CCSER1: variants seen among roughly 807,000 people sequenced by gnomAD.
The protein encoded by CCSER1 is serine-rich coiled-coil domain-containing protein 1.
Under a neutral mutation model 82.0 loss-of-function variants are expected in CCSER1, and 41 were observed. The ratio of observed to expected loss-of-function variants is 0.50; its 90% CI spans 0.39 to 0.65. CCSER1 has a LOEUF of 0.65. Ranked by LOEUF, CCSER1 falls within the 30% of genes least tolerant of loss-of-function variation. The pLI is 0.00. For missense variants in CCSER1, 1,119 were observed against 1,064.2 expected, an observed-to-expected ratio of 1.05 and a Z score of -0.72; for synonymous variants, 414 against 383.9, an observed-to-expected ratio of 1.08 and a Z score of -0.92.
At chr4:90,657,088 T>G (rs1171255845) in intron 6 of CCSER1, among the ~76,000 whole-genome samples, 1 of 152,076 alleles carries the variant, frequency 6.6e-6, no homozygotes, top group Non-Finnish European at 1.5e-5. Context: ...TTGTCTTAAT[T>G]TCTGAAGAAC....
chr4:90,356,171 C>T (rs907394845), intron 3 of CCSER1, among the ~76,000 whole-genome samples: 45 of 151,778 alleles, frequency 3.0e-4, no homozygotes, highest in African/African-American at 1.1e-3. Flanking sequence ...ATATCAAACA[C>T]ACTATATATA....
chr4:90,325,691 A>G (rs946122696), intron 3 of CCSER1: 3 of 435,646 alleles, frequency 6.9e-6, no homozygotes, highest in East Asian at 7.0e-5. Flanking sequence ...CTGAGGTGAC[A>G]GTCACTGGAA....
At chr4:91,307,068 T>C (rs1013637350) in intron 10 of CCSER1, among the ~76,000 whole-genome samples, 6 of 151,992 alleles carry the variant, frequency 3.9e-5, no homozygotes. Context: ...ATATCAAAAT[T>C]TCATTCTTAA....
intron 4 of CCSER1, among the ~76,000 whole-genome samples, chr4:90,450,335 G>T (rs1461827355): frequency 1.3e-5 from 2 of 152,200 alleles, no homozygotes; most frequent in Non-Finnish European, 2.9e-5. Context: ...AAACAATGTT[G>T]TCACTAGAGT....
At position 91,462,393 on chromosome 4, in the gene CCSER1, C is replaced by T. The variant is rs895182218; in HGVS notation, c.2218-136179C>T. ...ATGGGAAGGGTGGTTCCAAGATGGC[C>T]GAATAGGAACAGCTCTAGTCTACAG... On this transcript the variant is annotated intron_variant, in intron 10 of 10. Transcript: ENST00000509176. 7.2e-5 allele frequency among the ~76,000 whole-genome samples: 11 copies of T among 152,032 alleles called. 1 individual carries two copies. In the East Asian group the frequency reaches 7.8e-4, roughly 11 times the overall value.
intron 10 of CCSER1, among the ~76,000 whole-genome samples, chr4:91,185,061 C>T (rs1406602181): frequency 1.3e-5 from 2 of 152,162 alleles, no homozygotes; most frequent in Non-Finnish European, 2.9e-5. Flanking sequence ...TGTGGACAGC[C>T]AGTGCTGTAG....
intron 10 of CCSER1, among the ~76,000 whole-genome samples, chr4:91,128,571 C>G (rs969197475): frequency 5.3e-5 from 8 of 151,924 alleles, no homozygotes; most frequent in African/African-American, 1.9e-4. Flanking sequence ...CAAAACAAAA[C>G]AAAATCAGGA....
intron 10 of CCSER1, among the ~76,000 whole-genome samples, chr4:91,095,274 T>A (rs1203828966): frequency 6.6e-6 from 1 of 152,200 alleles, no homozygotes. Flanking sequence ...CTCCTTTAGT[T>A]GGAGACACTT....
intron 10 of CCSER1, among the ~76,000 whole-genome samples, chr4:91,139,294 A>T (rs1350304060): frequency 1.3e-5 from 2 of 152,004 alleles, no homozygotes; most frequent in Admixed American, 1.3e-4. Flanking sequence ...CCAGTCCACC[A>T]TTGATGGGAA....
At chr4:90,579,599 C>T (rs917871321) in intron 5 of CCSER1, among the ~76,000 whole-genome samples, 1 of 152,138 alleles carries the variant, frequency 6.6e-6, no homozygotes. Flanking sequence ...TCCTTGCACT[C>T]ATGGACTGTA....
chr4:91,486,894 G>A (rs1388955787), intron 10 of CCSER1, among the ~76,000 whole-genome samples: 1 of 151,706 alleles, frequency 6.6e-6, no homozygotes. Flanking sequence ...TTTCCTATAG[G>A]GATTGATTAC....
At chr4:90,897,540 G>A (rs1277764717) in intron 8 of CCSER1, among the ~76,000 whole-genome samples, 2 of 151,932 alleles carry the variant, frequency 1.3e-5, no homozygotes, top group Non-Finnish European at 2.9e-5. Flanking sequence ...ATTCTTGTTT[G>A]ATAAACACTA....
intron 10 of CCSER1, among the ~76,000 whole-genome samples, chr4:91,225,305 TTA>T (rs1230119796): frequency 4.1e-5 from 3 of 73,122 alleles, no homozygotes; most frequent in Non-Finnish European, 7.6e-5. Flanking sequence ...TGTATATATA[TTA>T]TATATGTAAT....
intron 10 of CCSER1, among the ~76,000 whole-genome samples, chr4:91,247,092 G>A (rs1162019792): frequency 6.6e-6 from 1 of 152,040 alleles, no homozygotes; most frequent in Non-Finnish European, 1.5e-5. Flanking sequence ...ACGAGGTCAG[G>A]AGATCAAGAC....
At chr4:90,491,047 A>G (rs1767929231) in intron 5 of CCSER1, among the ~76,000 whole-genome samples, 1 of 152,136 alleles carries the variant, frequency 6.6e-6, no homozygotes, top group South Asian at 2.1e-4. Flanking sequence ...GTTTTTTCCA[A>G]TTCTGTGAAG....
chr4:90,199,482 A>G lies in CCSER1; in HGVS notation c.-42+71651A>G, dbSNP rs1253637524. 2.0e-5 allele frequency among the ~76,000 whole-genome samples: 3 copies of G among 152,154 alleles called. No homozygotes were observed. The East Asian group carries it at 5.8e-4, about 29-fold the overall frequency. On this transcript the variant is annotated intron_variant, in intron 1 of 10. Coordinates refer to ENST00000509176, the MANE Select transcript of CCSER1 (RefSeq NM_001145065.2). The stretch of plus-strand genomic sequence containing the variant: ...CAATATAATTGCTATTATGGTAATG[A>G]TTTGTTAACATGAAACAATTTTTCC...
At chr4:90,583,430 T>C (rs991389725) in intron 5 of CCSER1, among the ~76,000 whole-genome samples, 4 of 152,172 alleles carry the variant, frequency 2.6e-5, no homozygotes, top group Non-Finnish European at 4.4e-5. Context: ...CCTCCCAAAG[T>C]GCTGGGGTTA....
At chr4:90,232,509 C>T (rs1025636187) in intron 1 of CCSER1, among the ~76,000 whole-genome samples, 5 of 151,556 alleles carry the variant, frequency 3.3e-5, no homozygotes, top group African/African-American at 7.3e-5. Flanking sequence ...AGACCTAAAA[C>T]CATAAAAACC....
chr4:91,356,536 A>T (rs1038606841), intron 10 of CCSER1, among the ~76,000 whole-genome samples: 5 of 151,926 alleles, frequency 3.3e-5, no homozygotes, highest in Non-Finnish European at 7.4e-5. Flanking sequence ...TCTTATTATT[A>T]TTTTTTTTCC....
Sources: gnomAD v4.1 joint callset for allele counts (sites outside exome capture counted in the v4.1 genomes callset) on GRCh38, gnomAD v4.1.1 for gene constraint, MANE v1.5 for transcripts, NCBI Gene and HGNC (gene_info 2026-07-23, HGNC 2026-07-21) for gene names.